Variants in MTHFD1L observed in about 807,000 individuals in gnomAD.
MTHFD1L encodes monofunctional C1-tetrahydrofolate synthase, mitochondrial.
In MTHFD1L, 81 loss-of-function variants were observed where a neutral mutation model predicts 119.5. That is an observed-to-expected ratio of 0.68 (90% confidence interval 0.57 to 0.82). The LOEUF (loss-of-function observed/expected upper bound fraction) is 0.82. Ranked by LOEUF, MTHFD1L falls within the 40% of genes least tolerant of loss-of-function variation. The pLI is 0.00. For synonymous variants in MTHFD1L, 430 were observed against 475.2 expected (o/e 0.90, Z 1.24); for missense variants, 1,125 against 1,253.4 (o/e 0.90, Z 1.55).
rs1019626960 is a variant in MTHFD1L, at chr6:150,893,383, G to C, written c.780+5402G>C. The stretch of plus-strand genomic sequence containing the variant: ...CCTGGCCCACATGGGGATTTTTGTT[G>C]CCCAGCTTAATCAACCAAGAATAAA... On this transcript the variant is annotated intron_variant, in intron 7 of 27. Coordinates refer to ENST00000367321, the MANE Select transcript of MTHFD1L (RefSeq NM_015440.5). Among the ~76,000 whole-genome samples, 2 of 151,960 alleles carry C rather than the reference G, an allele frequency of 1.3e-5. 1 individual carries two copies. The highest frequency in any genetic ancestry group is 1.3e-4 in the Admixed American group (2 of 15,246).
At chr6:151,097,843 C>T (rs893681290) in intron 27 of MTHFD1L, among the ~76,000 whole-genome samples, 1 of 152,062 alleles carries the variant, frequency 6.6e-6, no homozygotes, top group African/African-American at 2.4e-5. Context: ...CTACACATTC[C>T]AGGCACATAA....
chr6:150,922,154 C>A (rs745494841), intron 9 of MTHFD1L, 51 bp from the exon 10 acceptor site: 1 of 1,323,920 alleles, frequency 7.6e-7, no homozygotes, highest in Non-Finnish European at 1.1e-6. Flanking sequence ...AAGTGTGTGC[C>A]CTGTCAGCTT....
At chr6:151,085,548 A>C (rs1793714085) in intron 26 of MTHFD1L, among the ~76,000 whole-genome samples, 1 of 152,212 alleles carries the variant, frequency 6.6e-6, no homozygotes, top group African/African-American at 2.4e-5. Flanking sequence ...AGGCGGGTGG[A>C]TCACCTGAGG....
intron 15 of MTHFD1L, among the ~76,000 whole-genome samples, chr6:150,947,711 C>A (rs561974169): frequency 2.6e-5 from 4 of 151,850 alleles, no homozygotes; most frequent in Admixed American, 1.3e-4. Flanking sequence ...TAAAGAACTG[C>A]GGCATCAATT....
chr6:150,898,757 C>T (rs1477151331), intron 7 of MTHFD1L: 4 of 310,740 alleles, frequency 1.3e-5, no homozygotes, highest in South Asian at 5.7e-5. Flanking sequence ...GTTACCACCC[C>T]CCATCTACAT....
chr6:150,997,389 T>C (rs1319231245), intron 20 of MTHFD1L, among the ~76,000 whole-genome samples: 5 of 152,240 alleles, frequency 3.3e-5, no homozygotes, highest in African/African-American at 1.2e-4. Flanking sequence ...ACATTTTTGC[T>C]GTCCGGCTCC....
intron 26 of MTHFD1L, among the ~76,000 whole-genome samples, chr6:151,056,875 G>A (rs1790027766): frequency 6.6e-6 from 1 of 152,216 alleles, no homozygotes; most frequent in Non-Finnish European, 1.5e-5. Flanking sequence ...CTAAATGCCA[G>A]GCCTAGCACT....
At chr6:150,894,102 C>T (rs960124856) in intron 7 of MTHFD1L, among the ~76,000 whole-genome samples, 10 of 151,990 alleles carry the variant, frequency 6.6e-5, no homozygotes, top group African/African-American at 1.2e-4. Flanking sequence ...ATTAGCCAGG[C>T]GTGGTGGCTG....
chr6:150,875,531 G>A (rs920019852), intron 1 of MTHFD1L, among the ~76,000 whole-genome samples: 11 of 152,034 alleles, frequency 7.2e-5, no homozygotes, highest in Admixed American at 2.6e-4. Flanking sequence ...ATCAAAGTGG[G>A]TCTCCAGTGT....
intron 20 of MTHFD1L, among the ~76,000 whole-genome samples, chr6:150,980,693 G>C (rs546333140): frequency 7.1e-6 from 1 of 140,736 alleles, no homozygotes; most frequent in African/African-American, 2.7e-5. Context: ...CTGGGCAACA[G>C]AGTGAGACCC....
rs1778198270 is a variant in MTHFD1L, at chr6:150,865,836, T to G, written c.14T>G (p.Leu5Arg). 3.2e-6 allele frequency: 4 copies of G among 1,263,822 alleles called. No homozygotes were observed. Among genetic ancestry groups the G allele is most frequent in the Non-Finnish European group, 4.0e-6 (4 of 997,502 alleles). 78.3% of individuals were successfully genotyped at this position (1,263,822 alleles called of 1,614,324 possible). A position where few individuals can be genotyped will look rare whatever the true frequency, so the allele number is the denominator to read the frequency against. The change falls in exon 1 of 28, where the codon CTG becomes CGG. Residue 5 changes from leucine (L) to arginine (R), a missense_variant. Coordinates refer to ENST00000367321, the MANE Select transcript of MTHFD1L (RefSeq NM_015440.5). Reference sequence around the variant, plus strand: ...CCGTCCCGCGCCATGGGCACGCGTCTGCCGCTCGTCCTGCGCCAGCTCCGC... The same window carrying G: ...CCGTCCCGCGCCATGGGCACGCGTCGGCCGCTCGTCCTGCGCCAGCTCCGC... MGTR[L>R]PLVLRQLRRP...
At chr6:150,983,501 C>T (rs531674855) in intron 20 of MTHFD1L, among the ~76,000 whole-genome samples, 4 of 152,244 alleles carry the variant, frequency 2.6e-5, no homozygotes, top group African/African-American at 9.6e-5. Context: ...CTAAGGCAGC[C>T]GAGAGTGCTG....
intron 26 of MTHFD1L, among the ~76,000 whole-genome samples, chr6:151,089,584 G>C (rs1794192282): frequency 1.3e-5 from 2 of 152,200 alleles, no homozygotes; most frequent in African/African-American, 2.4e-5. Context: ...GCCTGGGTGA[G>C]AGTGAGACTC....
At chr6:150,870,727 A>G (rs940829654) in intron 1 of MTHFD1L, among the ~76,000 whole-genome samples, 1 of 151,974 alleles carries the variant, frequency 6.6e-6, no homozygotes, top group Non-Finnish European at 1.5e-5. Flanking sequence ...CCTGGCCAAC[A>G]TAGTAAAACC....
intron 1 of MTHFD1L, chr6:150,866,321 A>T: frequency 6.9e-7 from 1 of 1,458,374 alleles, no homozygotes; most frequent in Non-Finnish European, 9.0e-7. Flanking sequence ...CATGGACCGC[A>T]CGCCCGGCTC....
chr6:150,914,194 G>A (rs1787456519), intron 8 of MTHFD1L, among the ~76,000 whole-genome samples: 1 of 152,224 alleles, frequency 6.6e-6, no homozygotes, highest in Admixed American at 6.5e-5. Flanking sequence ...CTACTTGGGA[G>A]GCTGAGGTGG....
At chr6:150,961,194 A>G (rs1415342431) in intron 18 of MTHFD1L, among the ~76,000 whole-genome samples, 3 of 151,074 alleles carry the variant, frequency 2.0e-5, no homozygotes, top group Non-Finnish European at 4.4e-5. Flanking sequence ...CCCGGATTCA[A>G]GCGATTCTCC....
chr6:150,992,975 G>A (rs1350915763), intron 20 of MTHFD1L, among the ~76,000 whole-genome samples: 2 of 152,150 alleles, frequency 1.3e-5, no homozygotes, highest in South Asian at 2.1e-4. Context: ...TGTGATGCTC[G>A]GTTAAGTTTT....
At chr6:151,091,251 G>GTGA (rs1794414123) in intron 26 of MTHFD1L, among the ~76,000 whole-genome samples, 4 of 152,148 alleles carry the variant, frequency 2.6e-5, no homozygotes, top group African/African-American at 4.8e-5. Flanking sequence ...ATCGTTCCAT[G>GTGA]CGACTGGGTG....
Sources: allele counts gnomAD v4.1 joint callset (sites outside exome capture counted in the v4.1 genomes callset), GRCh38; gene constraint gnomAD v4.1.1; transcripts MANE v1.5; gene names NCBI Gene and HGNC (gene_info 2026-07-23, HGNC 2026-07-21).